The following GALNTL6 variants were observed in gnomAD, a reference collection of about 807,000 sequenced individuals.
GALNTL6 encodes the protein polypeptide N-acetylgalactosaminyltransferase-like 6.
GALNTL6 carries 46 observed loss-of-function variants against 73.7 expected under a neutral mutation model. The observed-to-expected ratio is 0.62, with a 90% CI of 0.49 to 0.80. The LOEUF (loss-of-function observed/expected upper bound fraction) is 0.80, where lower values mean the gene tolerates loss of function less well. GALNTL6 is among the 30% of genes least tolerant of loss of function. The pLI, the probability that GALNTL6 is intolerant of heterozygous loss-of-function variation, is 0.00. For missense variants in GALNTL6, 604 were observed against 755.0 expected (o/e 0.80, Z 2.34); for synonymous variants, 259 against 263.7 (o/e 0.98, Z 0.17).
At chr4:172,179,269 C>A (rs1480840679) in intron 2 of GALNTL6, among the ~76,000 whole-genome samples, 1 of 151,678 alleles carries the variant, frequency 6.6e-6, no homozygotes, top group Non-Finnish European at 1.5e-5. Context: ...TGCAGTCCCA[C>A]CAACAGTGTA....
At chr4:172,064,347 T>C (rs113379199) in intron 2 of GALNTL6, among the ~76,000 whole-genome samples, 95 of 152,344 alleles carry the variant, frequency 6.2e-4, no homozygotes, top group Middle Eastern at 6.8e-3. Flanking sequence ...AATTTTGCAA[T>C]GAACCATTAA....
intron 5 of GALNTL6, among the ~76,000 whole-genome samples, chr4:172,757,305 C>G (rs1272426266): frequency 6.6e-6 from 1 of 152,202 alleles, no homozygotes; most frequent in African/African-American, 2.4e-5. Context: ...TGTTTCTCTA[C>G]TTCACTGGTC....
intron 2 of GALNTL6, among the ~76,000 whole-genome samples, chr4:172,013,392 T>C (rs1164973521): frequency 2.6e-5 from 4 of 152,072 alleles, no homozygotes; most frequent in Non-Finnish European, 5.9e-5. Flanking sequence ...CTCCCACATA[T>C]GGGTAAAAAT....
intron 5 of GALNTL6, among the ~76,000 whole-genome samples, chr4:172,701,541 A>G (rs1017932633): frequency 4.6e-5 from 7 of 152,062 alleles, no homozygotes; most frequent in Admixed American, 2.0e-4. Context: ...CCCAGCTTCA[A>G]TCCTAAGAAA....
chr4:172,813,755 G>A (rs1301318055), intron 7 of GALNTL6, 32 bp downstream of exon 7: 5 of 1,543,238 alleles, frequency 3.2e-6, no homozygotes, highest in Non-Finnish European at 3.5e-6. Context: ...GGCCGAGGGG[G>A]TGAGGGCAGG....
At chr4:172,727,436 A>T (rs940444960) in intron 5 of GALNTL6, among the ~76,000 whole-genome samples, 24 of 152,370 alleles carry the variant, frequency 1.6e-4, no homozygotes, top group African/African-American at 4.8e-4. Flanking sequence ...TGAGCAAATA[A>T]ATTCAAATTA....
chr4:172,272,367 A>G (rs1738685912), intron 3 of GALNTL6, among the ~76,000 whole-genome samples: 1 of 152,234 alleles, frequency 6.6e-6, no homozygotes, highest in African/African-American at 2.4e-5. Context: ...TTGTTGTGAG[A>G]ACATCATAGA....
intron 5 of GALNTL6, among the ~76,000 whole-genome samples, chr4:172,764,235 G>T (rs1274193041): frequency 6.6e-6 from 1 of 152,164 alleles, no homozygotes; most frequent in African/African-American, 2.4e-5. Flanking sequence ...TGGATTACAG[G>T]CGCGAACCAC....
rs189923370 is a variant in GALNTL6 at position 172,581,945 on chromosome 4, A to T, written c.554-227416A>T. The stretch of plus-strand genomic sequence containing the variant: ...GCCTTTTTTTCTTGGCTTCTTTGTG[A>T]CTTCCCTCCCTGTGATCATATCAGC... On this transcript the variant is annotated intron_variant, in intron 5 of 12. Transcript: ENST00000506823. Among the ~76,000 whole-genome samples the T allele has an allele frequency of 4.9e-4, 75 of 152,192 alleles. 1 individual carries two copies. The South Asian group carries it at 7.5e-3, about 15-fold the overall frequency.
chr4:172,181,401 A>G (rs530279808), intron 2 of GALNTL6, among the ~76,000 whole-genome samples: 1 of 152,332 alleles, frequency 6.6e-6, no homozygotes, highest in South Asian at 2.1e-4. Flanking sequence ...AATGCCTTCG[A>G]CAAAATTCAA....
chr4:172,862,012 T>C (rs1340756332), intron 7 of GALNTL6, among the ~76,000 whole-genome samples: 1 of 152,192 alleles, frequency 6.6e-6, no homozygotes, highest in East Asian at 1.9e-4. Flanking sequence ...GAAGCGACTT[T>C]GGAACTGGGT....
intron 2 of GALNTL6, among the ~76,000 whole-genome samples, chr4:172,188,964 C>A (rs1735493152): frequency 6.6e-6 from 1 of 152,172 alleles, no homozygotes; most frequent in Non-Finnish European, 1.5e-5. Context: ...TGGCTATATC[C>A]TTAAATCTCA....
At chr4:171,992,426 C>T (rs989720081) in intron 2 of GALNTL6, among the ~76,000 whole-genome samples, 1 of 151,896 alleles carries the variant, frequency 6.6e-6, no homozygotes, top group African/African-American at 2.4e-5. Flanking sequence ...TCTGAAGTCT[C>T]AAGTCTATGA....
intron 5 of GALNTL6, among the ~76,000 whole-genome samples, chr4:172,408,581 C>T (rs1327806173): frequency 6.6e-6 from 1 of 151,462 alleles, no homozygotes; most frequent in Admixed American, 6.6e-5. Flanking sequence ...CATTATTATG[C>T]CTTCCCTCTG....
chr4:171,910,615 T>C (rs1034641675), intron 2 of GALNTL6, among the ~76,000 whole-genome samples: 13 of 152,052 alleles, frequency 8.5e-5, no homozygotes, highest in African/African-American at 1.9e-4. Flanking sequence ...GAGATGTCTG[T>C]ATAAGTATTA....
chr4:171,837,338 G>A (rs1003596639), intron 2 of GALNTL6, among the ~76,000 whole-genome samples: 1 of 151,930 alleles, frequency 6.6e-6, no homozygotes, highest in Non-Finnish European at 1.5e-5. Context: ...CTAAATGCAA[G>A]GCATGAGAGT....
intron 5 of GALNTL6, among the ~76,000 whole-genome samples, chr4:172,579,612 A>G (rs561580191): frequency 3.3e-4 from 50 of 152,282 alleles, no homozygotes; most frequent in African/African-American, 1.2e-3. Context: ...ACGATTCCAA[A>G]CATGGAAATA....
At position 172,156,568 on chromosome 4, in the gene GALNTL6, C is replaced by CTATATATATATATATAT. The variant is rs1560945829; in HGVS notation, c.139-73088_139-73087insTATATATATATATATAT. 3.8e-4 allele frequency among the ~76,000 whole-genome samples: 44 copies of CTATATATATATATATAT among 115,790 alleles called. 2 individuals carry two copies. Among genetic ancestry groups the CTATATATATATATATAT allele is most frequent in the African/African-American group, 1.5e-3 (41 of 26,922 alleles). The allele number at this position is 115,790 out of a possible 152,430, so 76.0% of individuals were successfully genotyped here. A position where few individuals can be genotyped will look rare whatever the true frequency, so the allele number is the denominator to read the frequency against. The stretch of plus-strand genomic sequence containing the variant: ...ATATATATATATATATATATATATA[C>CTATATATATATATATAT]ATACTATATATATATAGTATATTGT... On this transcript the variant is annotated intron_variant, in intron 2 of 12. Coordinates refer to ENST00000506823, the MANE Select transcript of GALNTL6 (RefSeq NM_001034845.3).
At chr4:172,149,515 G>C (rs1164287322) in intron 2 of GALNTL6, among the ~76,000 whole-genome samples, 1 of 152,012 alleles carries the variant, frequency 6.6e-6, no homozygotes, top group Non-Finnish European at 1.5e-5. Flanking sequence ...ATCCACTCCA[G>C]TATGCCATTT....
Sources: gnomAD v4.1 joint callset for allele counts (sites outside exome capture counted in the v4.1 genomes callset) on GRCh38, gnomAD v4.1.1 for gene constraint, MANE v1.5 for transcripts, NCBI Gene and HGNC (gene_info 2026-07-23, HGNC 2026-07-21) for gene names.